Variants in RGS22 observed in about 807,000 individuals in gnomAD.
The protein encoded by RGS22 is regulator of G protein signaling 22.
RGS22 carries 148 observed loss-of-function variants against 172.9 expected under a neutral mutation model. That is an observed-to-expected ratio of 0.86 (90% confidence interval 0.75 to 0.98). The LOEUF (loss-of-function observed/expected upper bound fraction) is 0.98, where lower values mean the gene tolerates loss of function less well. Ranked by LOEUF, RGS22 falls within the 50% of genes least tolerant of loss-of-function variation. RGS22 has a pLI of 0.00. For synonymous variants in RGS22, 458 were observed against 480.2 expected, an observed-to-expected ratio of 0.95 and a Z score of 0.60; for missense variants, 1,347 against 1,440.8, an observed-to-expected ratio of 0.93 and a Z score of 1.05.
At chr8:100,086,787 C>G (rs1163263728) in intron 3 of RGS22, among the ~76,000 whole-genome samples, 1 of 152,136 alleles carries the variant, frequency 6.6e-6, no homozygotes, top group African/African-American at 2.4e-5. Flanking sequence ...AGGAGCTCAG[C>G]ACTCTGAGTT....
At chr8:100,097,122 A>G (rs1240717527) in intron 2 of RGS22, among the ~76,000 whole-genome samples, 1 of 152,228 alleles carries the variant, frequency 6.6e-6, no homozygotes, top group East Asian at 1.9e-4. Context: ...AAGAGAGGCC[A>G]GAAAGCAAGA....
intron 14 of RGS22, among the ~76,000 whole-genome samples, chr8:100,022,807 G>A (rs769334788): frequency 4.0e-5 from 6 of 151,734 alleles, no homozygotes; most frequent in Non-Finnish European, 7.4e-5. Flanking sequence ...GTGCAGTGGC[G>A]CAGTCTCAGC....
At chr8:100,015,191 A>G (rs185636834) in intron 14 of RGS22, among the ~76,000 whole-genome samples, 35 of 152,332 alleles carry the variant, frequency 2.3e-4, no homozygotes, top group Middle Eastern at 6.8e-3. Context: ...AGCTACATGA[A>G]TATCTTCCAG....
At chr8:100,012,277 A>T (rs7006527) in intron 14 of RGS22, among the ~76,000 whole-genome samples, 1 of 151,858 alleles carries the variant, frequency 6.6e-6, no homozygotes, top group Non-Finnish European at 1.5e-5. Flanking sequence ...GATTAAGATA[A>T]GGGAGAAGGG....
chr8:100,072,061 G>T, intron 5 of RGS22, 84 bp downstream of exon 5: 1 of 766,394 alleles, frequency 1.3e-6, no homozygotes. Flanking sequence ...TGCCACACAT[G>T]GTGGCATACA....
In RGS22 at chr8:99,978,078, G is replaced by A. The variant is rs552437021; in HGVS notation, c.3361-3C>T. 2.0e-6 allele frequency: 3 copies of A among 1,492,948 alleles called. No homozygotes were observed. Among genetic ancestry groups the A allele is most frequent in the Middle Eastern group, 2.4e-4 (1 of 4,230 alleles). 92.5% of individuals were successfully genotyped at this position (1,492,948 alleles called of 1,614,324 possible). ...AACAGAACCCCAAAAATTGTCATCT[G>A]TATAAAAAAAAGTCTAAGATTACAA... On this transcript the variant is annotated splice_region_variant and splice_polypyrimidine_tract_variant and intron_variant, in intron 22 of 27. Coordinates refer to ENST00000360863, the MANE Select transcript of RGS22 (RefSeq NM_015668.5).
intron 22 of RGS22, among the ~76,000 whole-genome samples, chr8:99,980,520 C>A (rs1266980136): frequency 1.3e-5 from 2 of 152,134 alleles, no homozygotes; most frequent in African/African-American, 4.8e-5. Context: ...AGATCTGTGG[C>A]TTGTATCCTG....
intron 3 of RGS22, among the ~76,000 whole-genome samples, chr8:100,090,776 C>T (rs1812518995): frequency 6.6e-6 from 1 of 151,874 alleles, no homozygotes; most frequent in African/African-American, 2.4e-5. Context: ...GTTTGAGAAG[C>T]ATAAAGAAAG....
chr8:100,024,366 T>G (rs1303573617), intron 14 of RGS22, among the ~76,000 whole-genome samples: 1 of 151,940 alleles, frequency 6.6e-6, no homozygotes, highest in Admixed American at 6.5e-5. Context: ...CTTAAAAAAA[T>G]AAAAACACTC....
intron 14 of RGS22, among the ~76,000 whole-genome samples, chr8:100,032,925 A>C (rs183283236): frequency 0.019 from 2,909 of 152,226 alleles, 83 homozygotes; most frequent in East Asian, 0.11. Context: ...CTACTGAGTA[A>C]ATAACGAAAT....
Position 100,026,378 on chromosome 8 carries a change from A to G in RGS22, c.2166+12553T>C, listed in dbSNP as rs531525382. 3.3e-5 allele frequency among the ~76,000 whole-genome samples: 5 copies of G among 152,336 alleles called. No homozygotes were observed. In the South Asian group the frequency reaches 1.0e-3, roughly 32 times the overall value. On this transcript the variant is annotated intron_variant, in intron 14 of 27. Coordinates refer to ENST00000360863, the MANE Select transcript of RGS22 (RefSeq NM_015668.5). ...TTACATCACAACTTATGGGCTTCCT[A>G]AAAACACCAGTGCACAACATGGATC...
At position 99,994,913 on chromosome 8, in the gene RGS22, T is replaced by C. The variant is rs563216654; in HGVS notation, c.3018+1549A>G. ...AAACAGCATGGTACTGGTACCAAAA[T>C]AGAGATATAGACCAATGGAACAGAA... On this transcript the variant is annotated intron_variant, in intron 20 of 27. Transcript: ENST00000360863. Among the ~76,000 whole-genome samples, 171 of 152,076 alleles carry C rather than the reference T, an allele frequency of 1.1e-3. 1 individual carries two copies. The highest frequency in any genetic ancestry group is 3.4e-3 in the Admixed American group (52 of 15,268).
intron 2 of RGS22, among the ~76,000 whole-genome samples, chr8:100,096,917 C>T (rs1813022811): frequency 1.3e-5 from 2 of 152,044 alleles, no homozygotes; most frequent in African/African-American, 4.8e-5. Context: ...GAATGTGATA[C>T]ATGCCATAAG....
chr8:100,091,294 C>T (rs73698426), intron 3 of RGS22, among the ~76,000 whole-genome samples: 3 of 67,310 alleles, frequency 4.5e-5, no homozygotes, highest in African/African-American at 2.0e-4. Flanking sequence ...AGAGGAACTC[C>T]AAAAAAAAAA....
At chr8:100,079,791 T>C (rs16892278) in intron 4 of RGS22, among the ~76,000 whole-genome samples, 3,155 of 152,232 alleles carry the variant, frequency 0.021, 106 homozygotes, top group African/African-American at 0.071. Flanking sequence ...AACTGCTTGA[T>C]AGGATTGGTT....
At chr8:100,029,818 TA>T (rs1271820790) in intron 14 of RGS22, among the ~76,000 whole-genome samples, 1 of 151,990 alleles carries the variant, frequency 6.6e-6, no homozygotes, top group Non-Finnish European at 1.5e-5. Context: ...AAAATGTTTT[TA>T]AAAGAAATTT....
chr8:99,991,833 A>G (rs753478934), intron 20 of RGS22, among the ~76,000 whole-genome samples: 11 of 152,180 alleles, frequency 7.2e-5, no homozygotes, highest in Non-Finnish European at 1.0e-4. Context: ...CAAAAGTTGA[A>G]ATGAAGGAAA....
intron 23 of RGS22, among the ~76,000 whole-genome samples, chr8:99,976,612 C>T (rs1251862509): frequency 2.0e-5 from 3 of 152,096 alleles, no homozygotes; most frequent in Admixed American, 6.6e-5. Flanking sequence ...CCGCCCGCCT[C>T]GGCCTCCCAA....
chr8:100,104,160 A>G (rs1813720277), intron 2 of RGS22, among the ~76,000 whole-genome samples: 1 of 152,158 alleles, frequency 6.6e-6, no homozygotes, highest in Non-Finnish European at 1.5e-5. Context: ...TCTACAAAAA[A>G]TATAAAAATT....
Sources: gnomAD v4.1 joint callset for allele counts (sites outside exome capture counted in the v4.1 genomes callset) on GRCh38, gnomAD v4.1.1 for gene constraint, MANE v1.5 for transcripts, NCBI Gene and HGNC (gene_info 2026-07-23, HGNC 2026-07-21) for gene names.